The following FRMD5 variants were observed in gnomAD, a reference collection of about 807,000 sequenced individuals.
FRMD5 encodes FERM domain containing 5.
Under a neutral mutation model 69.0 loss-of-function variants are expected in FRMD5, and 20 were observed. The ratio of observed to expected loss-of-function variants is 0.29; its 90% CI spans 0.20 to 0.42. The LOEUF is 0.42. Among genes scored for constraint, FRMD5 ranks in the 10% least tolerant of loss-of-function variants. The pLI is 1.00. For missense variants in FRMD5, 595 were observed against 708.6 expected (o/e 0.84, Z 1.82); for synonymous variants, 271 against 260.1 (o/e 1.04, Z -0.40).
chr15:43,884,666 C>A, intron 12 of FRMD5, 61 bp downstream of exon 12: 2 of 1,501,222 alleles, frequency 1.3e-6, no homozygotes, highest in Non-Finnish European at 1.9e-6. Context: ...ACTCAAACTG[C>A]TGGATTGAGA....
intron 1 of FRMD5, among the ~76,000 whole-genome samples, chr15:43,983,483 A>G (rs896274810): frequency 1.3e-5 from 2 of 152,146 alleles, no homozygotes; most frequent in Admixed American, 6.5e-5. Flanking sequence ...TTCCTCAGCT[A>G]TAAAAATACA....
At chr15:44,154,584 A>T (rs1804549622) in intron 1 of FRMD5, among the ~76,000 whole-genome samples, 1 of 152,220 alleles carries the variant, frequency 6.6e-6, no homozygotes. Flanking sequence ...CTTGGTAGAT[A>T]CTTTTAATCA....
chr15:43,914,963 G>A (rs1402565923), intron 4 of FRMD5, among the ~76,000 whole-genome samples: 1 of 152,120 alleles, frequency 6.6e-6, no homozygotes, highest in Non-Finnish European at 1.5e-5. Context: ...CTGATCTCAG[G>A]TGATCCGCCC....
At chr15:44,149,784 C>G (rs1332831061) in intron 1 of FRMD5, among the ~76,000 whole-genome samples, 1 of 152,050 alleles carries the variant, frequency 6.6e-6, no homozygotes, top group Non-Finnish European at 1.5e-5. Context: ...GAGGTAGAGA[C>G]AGTTCTCATT....
chr15:44,184,532 A>G (rs1251557026), intron 1 of FRMD5, among the ~76,000 whole-genome samples: 1 of 152,228 alleles, frequency 6.6e-6, no homozygotes, highest in African/African-American at 2.4e-5. Context: ...CTATGAATGC[A>G]CCTATTTAAT....
At chr15:44,092,099 G>A (rs1566941593) in intron 1 of FRMD5, among the ~76,000 whole-genome samples, 1 of 152,176 alleles carries the variant, frequency 6.6e-6, no homozygotes, top group Non-Finnish European at 1.5e-5. Context: ...ACAGTAACGT[G>A]TAGGTTTCTT....
intron 1 of FRMD5, among the ~76,000 whole-genome samples, chr15:44,103,338 C>T (rs965820175): frequency 6.6e-6 from 1 of 151,994 alleles, no homozygotes; most frequent in East Asian, 1.9e-4. Flanking sequence ...AGGATTTTTA[C>T]CTTCAAAGGA....
At chr15:43,916,219 A>G (rs2089384631) in intron 4 of FRMD5, among the ~76,000 whole-genome samples, 1 of 152,204 alleles carries the variant, frequency 6.6e-6, no homozygotes, top group African/African-American at 2.4e-5. Context: ...ACTTGGTGAG[A>G]GGCCTGGCCA....
chr15:43,904,932 G>C (rs1461536442), intron 6 of FRMD5, among the ~76,000 whole-genome samples: 1 of 152,110 alleles, frequency 6.6e-6, no homozygotes, highest in African/African-American at 2.4e-5. Flanking sequence ...TCTGTGCAAA[G>C]TCGGGGACTC....
At chr15:44,180,974 T>G (rs17506480) in intron 1 of FRMD5, among the ~76,000 whole-genome samples, 12,804 of 152,284 alleles carry the variant, frequency 0.084, 748 homozygotes, top group South Asian at 0.24. Flanking sequence ...GAAAACATTC[T>G]ATAGCAATTC....
chr15:44,109,015 T>TAAAATAAAATAAAATAAAATA (rs1555404818), intron 1 of FRMD5, among the ~76,000 whole-genome samples: 70 of 149,770 alleles, frequency 4.7e-4, no homozygotes, highest in African/African-American at 1.7e-3. Flanking sequence ...TAAAATAAAA[T>TAAAATAAAATAAAATAAAATA]AAAATGTTTG....
At chr15:44,165,234 C>T (rs2077689727) in intron 1 of FRMD5, among the ~76,000 whole-genome samples, 1 of 152,176 alleles carries the variant, frequency 6.6e-6, no homozygotes, top group African/African-American at 2.4e-5. Flanking sequence ...GCCTGGCCAA[C>T]ATGGCGAAAC....
intron 1 of FRMD5, among the ~76,000 whole-genome samples, chr15:44,164,137 TTC>T (rs2140508204): frequency 6.6e-6 from 1 of 152,306 alleles, no homozygotes; most frequent in Non-Finnish European, 1.5e-5. Flanking sequence ...CTTTCATTTC[TTC>T]AGCCCCACTC....
chr15:44,088,821 C>A (rs1036615555), intron 1 of FRMD5, among the ~76,000 whole-genome samples: 3 of 152,156 alleles, frequency 2.0e-5, no homozygotes, highest in Non-Finnish European at 4.4e-5. Context: ...AACTAGCTCG[C>A]CCAAAGGCAC....
intron 13 of FRMD5, among the ~76,000 whole-genome samples, chr15:43,875,026 C>T (rs1486221316): frequency 1.3e-5 from 2 of 152,094 alleles, no homozygotes; most frequent in African/African-American, 4.8e-5. Context: ...GGTGAAACCC[C>T]GTCTGTACTA....
At chr15:43,939,023 G>A (rs541788758) in intron 1 of FRMD5, among the ~76,000 whole-genome samples, 71 of 151,482 alleles carry the variant, frequency 4.7e-4, no homozygotes, top group Non-Finnish European at 7.8e-4. Flanking sequence ...CACCACATCC[G>A]GCTAATTTTT....
At chr15:43,878,772 G>A (rs1370348048) in intron 13 of FRMD5, among the ~76,000 whole-genome samples, 2 of 152,052 alleles carry the variant, frequency 1.3e-5, no homozygotes, top group African/African-American at 2.4e-5. Flanking sequence ...CTTAACCTAC[G>A]ATTACACCCC....
intron 1 of FRMD5, among the ~76,000 whole-genome samples, chr15:44,108,544 C>T (rs2076752182): frequency 6.6e-6 from 1 of 152,082 alleles, no homozygotes; most frequent in African/African-American, 2.4e-5. Context: ...ACTCAGGAGG[C>T]TGAGGCAGGA....
At chr15:43,898,965 G>A (rs2088980164) in intron 7 of FRMD5, among the ~76,000 whole-genome samples, 5 of 152,224 alleles carry the variant, frequency 3.3e-5, no homozygotes, top group Admixed American at 3.3e-4. Flanking sequence ...AGGAAGAACA[G>A]CAGCTTCTTA....
Sources: gnomAD v4.1 joint callset for allele counts (sites outside exome capture counted in the v4.1 genomes callset) on GRCh38, gnomAD v4.1.1 for gene constraint, MANE v1.5 for transcripts, NCBI Gene and HGNC (gene_info 2026-07-23, HGNC 2026-07-21) for gene names.